Variants in CCDC85A observed in about 807,000 individuals in gnomAD.
CCDC85A encodes the protein coiled-coil domain containing 85A.
Under a neutral mutation model 50.2 loss-of-function variants are expected in CCDC85A, and 38 were observed. That is an observed-to-expected ratio of 0.76 (90% CI 0.58 to 0.99). The LOEUF is 0.99. CCDC85A is among the 50% of genes least tolerant of loss of function. The pLI is 0.00. For missense variants in CCDC85A, 820 were observed against 742.0 expected, an observed-to-expected ratio of 1.11 and a Z score of -1.22; for synonymous variants, 366 against 301.4, an observed-to-expected ratio of 1.21 and a Z score of -2.22.
chr2:56,354,350 A>G (rs1387043557), intron 3 of CCDC85A, among the ~76,000 whole-genome samples: 3 of 152,250 alleles, frequency 2.0e-5, no homozygotes, highest in Non-Finnish European at 2.9e-5. Context: ...CAGTGAAGCT[A>G]CATAGAGGAG....
At chr2:56,285,597 T>A (rs1227010903) in intron 2 of CCDC85A, among the ~76,000 whole-genome samples, 1 of 147,824 alleles carries the variant, frequency 6.8e-6, no homozygotes, top group Non-Finnish European at 1.5e-5. Flanking sequence ...ATTAATAATA[T>A]TCTTATCTAC....
At chr2:56,362,484 G>GA (rs372495907) in intron 3 of CCDC85A, among the ~76,000 whole-genome samples, 2 of 151,612 alleles carry the variant, frequency 1.3e-5, no homozygotes, top group South Asian at 2.1e-4. Flanking sequence ...AATGCTGAGG[G>GA]AAAAAAAAGA....
At position 56,306,584 on chromosome 2, in the gene CCDC85A, T is replaced by G. The variant is rs1010501502; in HGVS notation, c.1241-36295T>G. 1.1e-4 allele frequency among the ~76,000 whole-genome samples: 16 copies of G among 152,240 alleles called. 1 individual carries two copies. Among genetic ancestry groups the G allele is most frequent in the Admixed American group, 9.8e-4 (15 of 15,274 alleles). On this transcript the variant is annotated intron_variant, in intron 2 of 5. Transcript: ENST00000407595. ...CAATTAATGACATTTGGATGTATGG[T>G]TGTATAAGCAGTTATGTCATATGAG...
intron 3 of CCDC85A, among the ~76,000 whole-genome samples, chr2:56,364,435 CA>C (rs1228043476): frequency 4.6e-5 from 7 of 152,138 alleles, no homozygotes; most frequent in Non-Finnish European, 8.8e-5. Context: ...TTATTGTTTG[CA>C]GAGATATTTT....
chr2:56,337,365 T>A (rs1030706176), intron 2 of CCDC85A, among the ~76,000 whole-genome samples: 1 of 152,172 alleles, frequency 6.6e-6, no homozygotes, highest in Non-Finnish European at 1.5e-5. Flanking sequence ...TTTCCCAGGG[T>A]GGAAAGAGAA....
intron 1 of CCDC85A, among the ~76,000 whole-genome samples, chr2:56,191,428 C>T (rs1363217941): frequency 1.3e-5 from 2 of 152,186 alleles, no homozygotes; most frequent in African/African-American, 2.4e-5. Context: ...ATCACTCATG[C>T]AGGAGAAGTA....
intron 2 of CCDC85A, among the ~76,000 whole-genome samples, chr2:56,267,997 T>G (rs563921553): frequency 6.6e-6 from 1 of 152,310 alleles, no homozygotes; most frequent in South Asian, 2.1e-4. Context: ...ATGTTCATAT[T>G]CTTTTGGGTG....
intron 2 of CCDC85A, among the ~76,000 whole-genome samples, chr2:56,302,334 C>T (rs765715512): frequency 1.3e-5 from 2 of 152,008 alleles, no homozygotes; most frequent in Non-Finnish European, 1.5e-5. Context: ...AGATTTGTTT[C>T]GCCTAGGGTA....
intron 2 of CCDC85A, among the ~76,000 whole-genome samples, chr2:56,304,626 A>G (rs1227826321): frequency 6.6e-6 from 1 of 152,194 alleles, no homozygotes; most frequent in Non-Finnish European, 1.5e-5. Flanking sequence ...AATGTACAAA[A>G]AATAGGGTTC....
At chr2:56,359,125 G>A (rs750907499) in intron 3 of CCDC85A, among the ~76,000 whole-genome samples, 6 of 152,046 alleles carry the variant, frequency 3.9e-5, no homozygotes, top group Admixed American at 1.3e-4. Context: ...TTATACAAAT[G>A]CTCTTCCTAA....
intron 2 of CCDC85A, among the ~76,000 whole-genome samples, chr2:56,258,897 T>C (rs1202897839): frequency 6.6e-6 from 1 of 152,134 alleles, no homozygotes; most frequent in Non-Finnish European, 1.5e-5. Context: ...TGGAATGAAG[T>C]CCTCTGCTGA....
chr2:56,368,271 C>T (rs1675904584), intron 3 of CCDC85A, among the ~76,000 whole-genome samples: 1 of 152,078 alleles, frequency 6.6e-6, no homozygotes, highest in African/African-American at 2.4e-5. Flanking sequence ...TAAATATTAA[C>T]ATTAGAGTAA....
intron 3 of CCDC85A, among the ~76,000 whole-genome samples, chr2:56,356,733 A>G (rs1234010802): frequency 6.0e-5 from 9 of 149,776 alleles, no homozygotes; most frequent in Non-Finnish European, 7.4e-5. Context: ...ATCTCAAGGA[A>G]AAAAAAAAAA....
intron 3 of CCDC85A, among the ~76,000 whole-genome samples, chr2:56,369,291 G>C (rs1040897298): frequency 3.9e-5 from 6 of 152,060 alleles, no homozygotes; most frequent in Non-Finnish European, 7.4e-5. Context: ...TAATGTCTTA[G>C]AGAATGTTGT....
intron 2 of CCDC85A, among the ~76,000 whole-genome samples, chr2:56,211,278 A>G (rs1677167952): frequency 6.6e-6 from 1 of 152,108 alleles, no homozygotes; most frequent in Non-Finnish European, 1.5e-5. Flanking sequence ...TGAAGAAGGT[A>G]GATCCACTGA....
chr2:56,342,896 G>C lies in CCDC85A; in HGVS notation c.1258G>C (p.Val420Leu). ...SGMNESTLSYVRQLEARVRQL... is the reference protein window; with the variant it reads ...SGMNESTLSYLRQLEARVRQL... ...AATTTTAGAATCAACCTTGTCCTAT[G>C]TTAGGCAGCTGGAGGCAAGAGTAAG... Residue 420 changes from valine (V) to leucine (L), a missense_variant, in exon 3 of 6, where the codon GTT (valine) becomes CTT (leucine). Coordinates refer to ENST00000407595, the MANE Select transcript of CCDC85A (RefSeq NM_001080433.2). The C allele has an allele frequency of 1.3e-6, 2 of 1,592,534 alleles. No homozygotes were observed. The highest frequency in any genetic ancestry group is 4.5e-5 in the East Asian group (2 of 44,116).
At chr2:56,230,105 T>C (rs958936174) in intron 2 of CCDC85A, among the ~76,000 whole-genome samples, 1 of 152,208 alleles carries the variant, frequency 6.6e-6, no homozygotes, top group Non-Finnish European at 1.5e-5. Context: ...GAAAGGTATT[T>C]GGCAACATCA....
Position 56,192,328 on chromosome 2 carries a change from A to G in CCDC85A, c.277-149A>G. 2 of 1,088,998 alleles carry G rather than the reference A, an allele frequency of 1.8e-6. No individual in the cohort carries two copies. The highest frequency in any genetic ancestry group is 2.6e-6 in the Non-Finnish European group (2 of 767,888). 67.5% of individuals were successfully genotyped at this position (1,088,998 alleles called of 1,614,324 possible). On this transcript the variant is annotated intron_variant, in intron 1 of 5. Transcript: ENST00000407595. The surrounding 1 kb of genome is among the most constrained non-coding windows in gnomAD (Gnocchi z 4.7). ...GTTAGTTTAATTTTTATGGACAGCT[A>G]CAAATCTTCAGCTTCCTCCTACTCC... is the stretch of plus-strand genomic sequence containing the variant.
intron 3 of CCDC85A, among the ~76,000 whole-genome samples, chr2:56,347,889 T>C (rs763636436): frequency 2.6e-5 from 4 of 152,224 alleles, no homozygotes; most frequent in Non-Finnish European, 5.9e-5. Context: ...ATAGTCGATA[T>C]GTTTATATGC....
Sources: allele counts gnomAD v4.1 joint callset (sites outside exome capture counted in the v4.1 genomes callset), GRCh38; gene constraint gnomAD v4.1.1; non-coding constraint Gnocchi (gnomAD v3.1); transcripts MANE v1.5; gene names NCBI Gene and HGNC (gene_info 2026-07-23, HGNC 2026-07-21).